ITGA2B: variants seen among roughly 807,000 people sequenced by gnomAD.
ITGA2B encodes integrin subunit alpha 2b, also known as integrin alpha-IIb.
In ITGA2B, 91 loss-of-function variants were observed where a neutral mutation model predicts 142.0. The observed-to-expected ratio is 0.64, with a 90% CI of 0.54 to 0.76. ITGA2B has a LOEUF of 0.76. ITGA2B is among the 30% of genes least tolerant of loss of function. The pLI, the probability that ITGA2B is intolerant of heterozygous loss-of-function variation, is 0.00. For missense variants in ITGA2B, 1,231 were observed against 1,350.8 expected (o/e 0.91, Z 1.39); for synonymous variants, 536 against 567.2 (o/e 0.94, Z 0.78).
chr17:44,382,407 C>G (rs2048605003), intron 12 of ITGA2B, among the ~76,000 whole-genome samples: 1 of 152,080 alleles, frequency 6.6e-6, no homozygotes, highest in Non-Finnish European at 1.5e-5. Context: ...CATACCTTAC[C>G]CCATTGCATT....
intron 12 of ITGA2B, 137 bp from the exon 13 acceptor site, chr17:44,381,198 C>T: frequency 1.3e-6 from 1 of 756,706 alleles, no homozygotes; most frequent in Non-Finnish European, 2.1e-6. Flanking sequence ...GGAGGCACTG[C>T]CCTACCCTCC....
intron 1 of ITGA2B, among the ~76,000 whole-genome samples, chr17:44,388,477 C>A (rs2048669507): frequency 6.6e-6 from 1 of 151,060 alleles, no homozygotes; most frequent in African/African-American, 2.4e-5. Flanking sequence ...CTGCCTCAGC[C>A]TCCCGAGTAG....
At chr17:44,381,334 A>ATT (rs35617209) in intron 12 of ITGA2B, among the ~76,000 whole-genome samples, 3 of 147,262 alleles carry the variant, frequency 2.0e-5, no homozygotes, top group Non-Finnish European at 3.0e-5. Flanking sequence ...CCTTTTCTAA[A>ATT]TTTTTTTTTT....
rs201777001 is a variant in ITGA2B, at chr17:44,385,272, T to G, written c.624+14A>C. On this transcript the variant is annotated intron_variant, in intron 5 of 29. Transcript: ENST00000262407. Reference sequence around the variant, plus strand: ...TTGGGAGCCGCCCCCACTGCGCTTTTGCTCCCTACTCGCCTGAGTGACCAC... The same window carrying G: ...TTGGGAGCCGCCCCCACTGCGCTTTGGCTCCCTACTCGCCTGAGTGACCAC... The G allele has an allele frequency of 1.9e-6, 3 of 1,613,642 alleles. No homozygotes were observed. Among genetic ancestry groups the G allele is most frequent in the Admixed American group, 1.7e-5 (1 of 60,014 alleles).
At chr17:44,373,369 C>T (rs946115148) in intron 29 of ITGA2B, among the ~76,000 whole-genome samples, 2 of 152,150 alleles carry the variant, frequency 1.3e-5, no homozygotes, top group African/African-American at 4.8e-5. Flanking sequence ...AACTCCTGAC[C>T]TCATGAACCG....
Position 44,381,014 on chromosome 17 carries a change from C to G in ITGA2B, c.1258G>C (p.Val420Leu). The G allele has an allele frequency of 6.2e-7, 1 of 1,613,346 alleles. No homozygotes were observed. The change falls in exon 13 of 30, where the codon GTG (valine) becomes CTG (leucine). Residue 420 changes from valine to leucine, a missense_variant. By Grantham distance (32) the Val-to-Leu change is conservative. Around this residue, in one of 3 missense-constraint regions of ITGA2B, gnomAD observed 908 missense variants for 1,021.1 expected, o/e 0.89. Transcript: ENST00000262407. The stretch of plus-strand genomic sequence containing the variant: ...TCACTCTGACCCAGGAACACCAGCA[C>G]TTGGCCCCGGCCACTGGGACCCCCG... ...PYGGPSGRGQ[V>L]LVFLGQSEGL...
In ITGA2B at chr17:44,377,710, C is replaced by G. The variant is rs1289591826; in HGVS notation, c.2175G>C (p.Lys725Asn). The G allele has an allele frequency of 1.2e-6, 2 of 1,613,472 alleles. No individual in the cohort carries two copies. The highest frequency in any genetic ancestry group is 2.2e-5 in the South Asian group (2 of 91,062). ...CCAGCAGCCTCACCTGGGCGTTCTTCTTCATGGGGTTGCCCAGCTCACACA... is the reference window on the plus strand; with the variant it reads ...CCAGCAGCCTCACCTGGGCGTTCTTGTTCATGGGGTTGCCCAGCTCACACA... Reference protein sequence around the residue: ...VVLCELGNPMKKNAQIGIAML... With the variant: ...VVLCELGNPMNKNAQIGIAML... The change falls in exon 21 of 30, where the codon AAG becomes AAC. Residue 725 changes from lysine to asparagine, a missense_variant. Transcript: ENST00000262407.
chr17:44,377,633 C>T (rs1030429970), intron 21 of ITGA2B, 65 bp downstream of exon 21: 2 of 1,226,770 alleles, frequency 1.6e-6, no homozygotes, highest in Non-Finnish European at 2.4e-6. Flanking sequence ...TAAAACCTCA[C>T]CCCTAAAATC....
At position 44,385,111 on chromosome 17, in the gene ITGA2B, A is replaced by G. The variant is rs779820816; in HGVS notation, c.671-35T>C. 6 of 1,613,956 alleles carry G rather than the reference A, an allele frequency of 3.7e-6. No homozygotes were observed. In the African/African-American group the frequency reaches 6.7e-5, roughly 18 times the overall value. The stretch of plus-strand genomic sequence containing the variant: ...GAGGGACAGCGGGTGTGAAGCCCAA[A>G]GCGGTCTCCTTGGGCCGCGAGAAGG... On this transcript the variant is annotated intron_variant, in intron 6 of 29. Transcript: ENST00000262407.
chr17:44,379,959 A>C, intron 17 of ITGA2B, 43 bp downstream of exon 17: 1 of 1,612,984 alleles, frequency 6.2e-7, no homozygotes, highest in East Asian at 2.2e-5. Flanking sequence ...CCAGTGGGTA[A>C]GTTCTACTCT....
Position 44,380,719 on chromosome 17 carries a change from C to T in ITGA2B, c.1394-74G>A, listed in dbSNP as rs981779920. 1.9e-6 allele frequency: 3 copies of T among 1,603,724 alleles called. No homozygotes were observed. In the African/African-American group the frequency reaches 4.0e-5, roughly 21 times the overall value. ...CCTCATCTCATCTTCCCAGGGGTTC[C>T]CCACACCACCTCCCCCACTGGAGGT... On this transcript the variant is annotated intron_variant, in intron 13 of 29. Transcript: ENST00000262407.
Position 44,383,825 on chromosome 17 carries a change from A to G in ITGA2B, c.998+69T>C, listed in dbSNP as rs1462094111. On this transcript the variant is annotated intron_variant, in intron 11 of 29. Coordinates refer to ENST00000262407, the MANE Select transcript of ITGA2B (RefSeq NM_000419.5). Reference sequence around the variant, plus strand: ...GGATACGTGAGACTAGGGCTAGGAAAGGGAGACAGAGGGCAGCTCTGGTAA... The same window carrying G: ...GGATACGTGAGACTAGGGCTAGGAAGGGGAGACAGAGGGCAGCTCTGGTAA... The G allele has an allele frequency of 1.1e-5, 17 of 1,592,352 alleles. No homozygotes were observed. In the East Asian group the frequency reaches 2.7e-4, roughly 25 times the overall value.
At position 44,386,095 on chromosome 17, in the gene ITGA2B, G is replaced by T; in HGVS notation, c.225C>A (p.Gly75=). The change falls in exon 2 of 30, where the codon GGC becomes GGA. Residue 75 remains glycine (G), a synonymous_variant. Coordinates refer to ENST00000262407, the MANE Select transcript of ITGA2B (RefSeq NM_000419.5). The part of the protein sequence containing the change: ...AIVVGAPRTL[G]PSQEETGGVF... ...CGCCGCCCGTCTCCTCCTGGCTGGGGCCCAGGGTCCGCGGGGCGCCCACCA... is the reference window on the plus strand; with the variant it reads ...CGCCGCCCGTCTCCTCCTGGCTGGGTCCCAGGGTCCGCGGGGCGCCCACCA... 6.2e-7 allele frequency: 1 copy of T among 1,608,348 alleles called. No homozygotes were observed. The highest frequency in any genetic ancestry group is 1.1e-5 in the South Asian group (1 of 90,660).
intron 1 of ITGA2B, among the ~76,000 whole-genome samples, chr17:44,386,648 T>C (rs192219349): frequency 7.9e-5 from 12 of 152,302 alleles, no homozygotes; most frequent in Admixed American, 2.0e-4. Context: ...ATATGTGAAA[T>C]AGGAATACCA....
chr17:44,379,252 C>CTTT lies in ITGA2B; in HGVS notation c.1878+434_1878+436dup, dbSNP rs376241329. ...TACAGGCGTGAGCCACTGCGCCTGG[C>CTTT]TTTTTTTTTTTTTTTTGAGACAGAG... On this transcript the variant is annotated intron_variant, in intron 18 of 29. Coordinates refer to ENST00000262407, the MANE Select transcript of ITGA2B (RefSeq NM_000419.5). Among the ~76,000 whole-genome samples, 2 of 114,640 alleles carry CTTT rather than the reference C, an allele frequency of 1.7e-5. 1 individual carries two copies. Among genetic ancestry groups the CTTT allele is most frequent in the African/African-American group, 6.6e-5 (2 of 30,418 alleles). The allele number at this position is 114,640 out of a possible 152,430, so 75.2% of individuals were successfully genotyped here.
chr17:44,380,199 G>A (rs767352150), intron 16 of ITGA2B, 46 bp from the exon 17 acceptor site: 18 of 1,613,804 alleles, frequency 1.1e-5, no homozygotes, highest in Admixed American at 3.3e-5. Context: ...GCCAGCCTCC[G>A]GGGGAGTCCA....
Position 44,383,590 on chromosome 17 carries a change from C to A in ITGA2B, c.1113G>T (p.Leu371=). The A allele has an allele frequency of 1.2e-6, 2 of 1,611,194 alleles. No individual in the cohort carries two copies. The highest frequency in any genetic ancestry group is 1.7e-6 in the Non-Finnish European group (2 of 1,179,490). The change falls in exon 12 of 30, where the codon CTG becomes CTT. Residue 371 remains leucine, a synonymous_variant. Transcript: ENST00000262407. ...LFLQPRGPHA[L]GAPSLLLTGT... is the part of the protein sequence containing the mutation. ...CAGTCAGCAGGAGGCTGGGGGCACCCAGCGCGTGGGGGCCTCGCGGCTGCA... is the reference window on the plus strand; with the variant it reads ...CAGTCAGCAGGAGGCTGGGGGCACCAAGCGCGTGGGGGCCTCGCGGCTGCA...
At chr17:44,376,480 G>A (rs2048545683) in intron 22 of ITGA2B, 92 bp from the exon 23 acceptor site, 3 of 1,149,612 alleles carry the variant, frequency 2.6e-6, no homozygotes, top group Admixed American at 1.7e-5. Flanking sequence ...AGTTCAGAGA[G>A]AGCTAATTAT....
chr17:44,372,929 TTTC>T (rs2048509503), intron 29 of ITGA2B, among the ~76,000 whole-genome samples: 1 of 152,062 alleles, frequency 6.6e-6, no homozygotes, highest in Admixed American at 6.5e-5. Context: ...CCTCTGAATT[TTTC>T]TTTTTTATTT....
Sources: allele counts gnomAD v4.1 joint callset (sites outside exome capture counted in the v4.1 genomes callset), GRCh38; gene constraint gnomAD v4.1.1; regional missense constraint gnomAD v4.1.1; transcripts MANE v1.5; gene names NCBI Gene and HGNC (gene_info 2026-07-23, HGNC 2026-07-21).